The following IL31RA variants were observed in gnomAD, a reference collection of about 807,000 sequenced individuals.
IL31RA encodes the protein interleukin 31 receptor A.
In IL31RA, 66 loss-of-function variants were observed where a neutral mutation model predicts 83.7. The observed-to-expected ratio is 0.79, with a 90% CI of 0.65 to 0.97. The LOEUF is 0.97. Ranked by LOEUF, IL31RA falls within the 50% of genes least tolerant of loss-of-function variation. IL31RA has a pLI of 0.00. For missense variants in IL31RA, 798 were observed against 919.4 expected (o/e 0.87, Z 1.71); for synonymous variants, 325 against 329.0 (o/e 0.99, Z 0.13).
Position 55,910,533 on chromosome 5 carries a change from C to A in IL31RA, c.1503C>A (p.Ser501=). 6.2e-7 allele frequency: 1 copy of A among 1,614,056 alleles called. No homozygotes were observed. The highest frequency in any genetic ancestry group is 8.5e-7 in the Non-Finnish European group (1 of 1,180,002). Residue 501 remains serine (S), a splice_region_variant and synonymous_variant, in exon 12 of 15, where the codon TCC becomes TCA. Transcript: ENST00000652347. ...FYQAEGGKGF[S]KTVNSSILQY... ...TTGACCTTTGTATTTTTCCTTTAGC[C>A]AAGACAGTCAATTCCAGCATCTTGC...
intron 11 of IL31RA, among the ~76,000 whole-genome samples, chr5:55,910,271 G>T (rs1749420963): frequency 6.6e-6 from 1 of 152,060 alleles, no homozygotes; most frequent in Non-Finnish European, 1.5e-5. Flanking sequence ...TGTGTTTTTA[G>T]TGTCATATCA....
intron 4 of IL31RA, among the ~76,000 whole-genome samples, chr5:55,875,040 T>C (rs1184491543): frequency 1.3e-5 from 2 of 152,138 alleles, no homozygotes; most frequent in Non-Finnish European, 2.9e-5. Flanking sequence ...TTGAGAAAAT[T>C]TCCTTCCACT....
chr5:55,892,447 T>C (rs1045966462), intron 6 of IL31RA, among the ~76,000 whole-genome samples: 2 of 152,220 alleles, frequency 1.3e-5, no homozygotes, highest in African/African-American at 4.8e-5. Context: ...TGGATCCTGG[T>C]TGAGTTTCCA....
rs144988845 is a variant in IL31RA, at chr5:55,900,341, A to C, written c.1069+209A>C. Among the ~76,000 whole-genome samples the C allele has an allele frequency of 3.7e-3, 566 of 152,342 alleles. 5 individuals are homozygous for C. The highest frequency in any genetic ancestry group is 0.013 in the African/African-American group (542 of 41,564). On this transcript the variant is annotated intron_variant, in intron 8 of 14. Coordinates refer to ENST00000652347, the MANE Select transcript of IL31RA (RefSeq NM_139017.7). Reference sequence around the variant, plus strand: ...CCTTTGGAACAAAGCCTGCGTTAAAAATCAGAGACTTTATAAATTACAGAA... The same window carrying C: ...CCTTTGGAACAAAGCCTGCGTTAAACATCAGAGACTTTATAAATTACAGAA...
At chr5:55,907,947 C>A (rs2112561811) in intron 10 of IL31RA, among the ~76,000 whole-genome samples, 1 of 152,306 alleles carries the variant, frequency 6.6e-6, no homozygotes, top group South Asian at 2.1e-4. Flanking sequence ...CAAAGGTAGC[C>A]TATGGAGCCA....
intron 1 of IL31RA, among the ~76,000 whole-genome samples, chr5:55,858,711 T>C (rs1171899956): frequency 1.3e-5 from 2 of 152,234 alleles, no homozygotes; most frequent in East Asian, 3.8e-4. Flanking sequence ...TTACATTTGC[T>C]TTATTCTTAG....
At chr5:55,894,279 A>G (rs902589688) in intron 6 of IL31RA, among the ~76,000 whole-genome samples, 5 of 152,278 alleles carry the variant, frequency 3.3e-5, no homozygotes, top group African/African-American at 1.2e-4. Flanking sequence ...TCCTGTACAA[A>G]GGCTGTCTTC....
intron 11 of IL31RA, chr5:55,909,274 TTATC>T (rs1749348666): frequency 6.6e-6 from 1 of 152,600 alleles, no homozygotes; most frequent in African/African-American, 2.4e-5. Context: ...CATATTTTGT[TTATC>T]CATTCATCAG....
intron 6 of IL31RA, among the ~76,000 whole-genome samples, chr5:55,895,441 G>A (rs1218443614): frequency 6.6e-6 from 1 of 152,176 alleles, no homozygotes; most frequent in African/African-American, 2.4e-5. Flanking sequence ...CAGAAATCAA[G>A]TGAAATGTAA....
At position 55,851,469 on chromosome 5, in the gene IL31RA, A is replaced by G; in HGVS notation, c.-102A>G. On this transcript the variant is annotated 5_prime_UTR_variant, in exon 1 of 15. Coordinates refer to ENST00000652347, the MANE Select transcript of IL31RA (RefSeq NM_139017.7). ...CAAAAAATTGCAAAAAAAAATAGTAATAACCAGCATGGCACTAAATAGACC... is the reference window on the plus strand; with the variant it reads ...CAAAAAATTGCAAAAAAAAATAGTAGTAACCAGCATGGCACTAAATAGACC... 1 of 1,610,672 alleles carries G rather than the reference A, an allele frequency of 6.2e-7. No homozygotes were observed. Among genetic ancestry groups the G allele is most frequent in the Non-Finnish European group, 8.5e-7 (1 of 1,177,790 alleles).
At position 55,922,057 on chromosome 5, in the gene IL31RA, G is replaced by A. The variant is rs539175518; in HGVS notation, c.*4937G>A. On this transcript the variant is annotated 3_prime_UTR_variant, in exon 15 of 15. Coordinates refer to ENST00000652347, the MANE Select transcript of IL31RA (RefSeq NM_139017.7). ...GTCTTGCACTCTTATGTTGTGGCGG[G>A]GGGGGGGGGCGGTTCCTGAAGAGTG... 3.6e-5 allele frequency among the ~76,000 whole-genome samples: 2 copies of A among 54,816 alleles called. No homozygotes were observed. Among genetic ancestry groups the A allele is most frequent in the Non-Finnish European group, 8.5e-5 (2 of 23,650 alleles). The allele number at this position is 54,816 out of a possible 152,430, so 36.0% of individuals were successfully genotyped here.
At position 55,916,868 on chromosome 5, in the gene IL31RA, C is replaced by T. The variant is rs771753948; in HGVS notation, c.2043C>T (p.Pro681=). 13 of 1,614,020 alleles carry T rather than the reference C, an allele frequency of 8.1e-6. No individual in the cohort carries two copies. In the Admixed American group the frequency reaches 2.0e-4, roughly 25 times the overall value. The change falls in exon 15 of 15, where the codon CCC becomes CCT. Residue 681 remains proline (P), a synonymous_variant. Coordinates refer to ENST00000652347, the MANE Select transcript of IL31RA (RefSeq NM_139017.7). ...YVTCPFRPDC[P]LGKSFEELPV... is the part of the protein sequence containing the mutation. ...CCTGCCCCTTCAGGCCTGATTGTCC[C>T]CTGGGGAAAAGTTTTGAGGAGCTCC...
At chr5:55,897,020 T>A (rs1748444885) in intron 7 of IL31RA, among the ~76,000 whole-genome samples, 1 of 16,704 alleles carries the variant, frequency 6.0e-5, no homozygotes, top group Non-Finnish European at 1.1e-4. Context: ...TATATATTTT[T>A]TTTTTTTTTG....
At chr5:55,888,189 A>G (rs990940902) in intron 5 of IL31RA, among the ~76,000 whole-genome samples, 2 of 152,232 alleles carry the variant, frequency 1.3e-5, no homozygotes, top group African/African-American at 2.4e-5. Flanking sequence ...GATGAAGCTA[A>G]TTAATGTTTT....
intron 2 of IL31RA, among the ~76,000 whole-genome samples, chr5:55,867,869 C>T (rs1339332146): frequency 6.6e-6 from 1 of 152,046 alleles, no homozygotes; most frequent in African/African-American, 2.4e-5. Flanking sequence ...ATGAGAATAG[C>T]ACAGGAAAAA....
chr5:55,906,028 A>C (rs1749126342), intron 8 of IL31RA, 78 bp from the exon 9 acceptor site: 1 of 1,434,010 alleles, frequency 7.0e-7, no homozygotes, highest in Non-Finnish European at 9.8e-7. Context: ...CAGCTGAGGC[A>C]ATGAGGATGC....
At chr5:55,859,023 T>G (rs551945632) in intron 1 of IL31RA, among the ~76,000 whole-genome samples, 1 of 152,112 alleles carries the variant, frequency 6.6e-6, no homozygotes, top group Non-Finnish European at 1.5e-5. Context: ...AGAGAGGGCG[T>G]CTTAGGGAAG....
rs973942848 is a variant in IL31RA, at chr5:55,903,319, A to T, written c.1070-2787A>T. 6.6e-6 allele frequency among the ~76,000 whole-genome samples: 1 copy of T among 152,252 alleles called. No individual in the cohort carries two copies. Among genetic ancestry groups the T allele is most frequent in the East Asian group, 1.9e-4 (1 of 5,202 alleles). Reference sequence around the variant, plus strand: ...ACGTGAGCCCCGGGTGACTGTCTTCATGCAGATCACAAGAAATCAATGGCT... The same window carrying T: ...ACGTGAGCCCCGGGTGACTGTCTTCTTGCAGATCACAAGAAATCAATGGCT... On this transcript the variant is annotated intron_variant, in intron 8 of 14. Transcript: ENST00000652347. The surrounding 1 kb of genome is among the most constrained non-coding windows in gnomAD (Gnocchi z 4.7).
chr5:55,899,379 C>T (rs1278155792), intron 7 of IL31RA, among the ~76,000 whole-genome samples: 1 of 152,180 alleles, frequency 6.6e-6, no homozygotes. Context: ...AACTTCTCGC[C>T]AAGGGTTTGG....
Sources: allele counts gnomAD v4.1 joint callset (sites outside exome capture counted in the v4.1 genomes callset), GRCh38; gene constraint gnomAD v4.1.1; non-coding constraint Gnocchi (gnomAD v3.1); transcripts MANE v1.5; gene names NCBI Gene and HGNC (gene_info 2026-07-23, HGNC 2026-07-21).